RERE: variants seen among roughly 807,000 people sequenced by gnomAD.
RERE encodes the protein arginine-glutamic acid dipeptide repeats protein.
RERE carries 40 observed loss-of-function variants against 146.1 expected under a neutral mutation model. The observed-to-expected ratio is 0.27, with a 90% CI of 0.21 to 0.36. The LOEUF is 0.36. Among genes scored for constraint, RERE ranks in the 10% least tolerant of loss-of-function variants. The pLI, the probability that RERE is intolerant of heterozygous loss-of-function variation, is 1.00. For missense variants in RERE, 1,933 were observed against 2,138.7 expected (o/e 0.90, Z 1.90); for synonymous variants, 1,003 against 866.0 (o/e 1.16, Z -2.78).
intron 12 of RERE, among the ~76,000 whole-genome samples, chr1:8,367,817 C>T (rs1641873567): frequency 6.6e-6 from 1 of 152,228 alleles, no homozygotes; most frequent in Non-Finnish European, 1.5e-5. Flanking sequence ...AACCTCCTAG[C>T]TCTTTTCACT....
intron 2 of RERE, among the ~76,000 whole-genome samples, chr1:8,651,715 C>T (rs1647639938): frequency 6.6e-6 from 1 of 150,822 alleles, no homozygotes; most frequent in African/African-American, 2.4e-5. Flanking sequence ...GAGCAATACC[C>T]TGTCTCAAAA....
chr1:8,453,395 G>A (rs1019033814), intron 11 of RERE, among the ~76,000 whole-genome samples: 9 of 152,218 alleles, frequency 5.9e-5, no homozygotes, highest in African/African-American at 1.9e-4. Flanking sequence ...CAACGTGGGA[G>A]AGATCACCAC....
At chr1:8,689,251 T>G (rs1639156017) in intron 1 of RERE, among the ~76,000 whole-genome samples, 1 of 152,336 alleles carries the variant, frequency 6.6e-6, no homozygotes, top group South Asian at 2.1e-4. Context: ...TTTTGGCCTT[T>G]GGTTTGGTTG....
rs1643536665 is a variant in RERE, at chr1:8,408,966, G to T, written c.1284+13761C>A. On this transcript the variant is annotated intron_variant, in intron 12 of 22. Coordinates refer to ENST00000400908, the MANE Select transcript of RERE (RefSeq NM_001042681.2). ...CCGCAATGATTTGGGGGTAGGATGT[G>T]AGGTAGGAGAATGGTATCAGAAAGG... 1.3e-5 allele frequency among the ~76,000 whole-genome samples: 2 copies of T among 152,176 alleles called. 1 individual carries two copies. The highest frequency in any genetic ancestry group is 4.1e-4 in the South Asian group (2 of 4,824).
intron 4 of RERE, among the ~76,000 whole-genome samples, chr1:8,568,514 T>C (rs1479245468): frequency 1.3e-5 from 2 of 152,224 alleles, no homozygotes; most frequent in Middle Eastern, 3.2e-3. Flanking sequence ...CATTAATTCA[T>C]TGATGCATTC....
At chr1:8,501,617 G>A (rs1570350942) in intron 8 of RERE, among the ~76,000 whole-genome samples, 1 of 135,146 alleles carries the variant, frequency 7.4e-6, no homozygotes, top group African/African-American at 2.8e-5. Flanking sequence ...GAGGGAGGTG[G>A]GGGGTCAGCC....
chr1:8,630,573 G>C (rs1647023605), intron 2 of RERE, among the ~76,000 whole-genome samples: 2 of 152,134 alleles, frequency 1.3e-5, no homozygotes, highest in African/African-American at 4.8e-5. Context: ...CATATTGACT[G>C]TAACACTGGA....
chr1:8,563,977 G>A (rs953913064), intron 4 of RERE, among the ~76,000 whole-genome samples: 10 of 152,160 alleles, frequency 6.6e-5, no homozygotes, highest in African/African-American at 1.2e-4. Flanking sequence ...GGGGAACACC[G>A]TCTCCCAGAG....
chr1:8,455,664 A>T (rs1644445713), intron 11 of RERE, among the ~76,000 whole-genome samples: 1 of 152,180 alleles, frequency 6.6e-6, no homozygotes, highest in African/African-American at 2.4e-5. Context: ...CACTGAAGCA[A>T]TGTGAGGTTT....
At position 8,364,946 on chromosome 1, in the gene RERE, A is replaced by T. The variant is rs576534716; in HGVS notation, c.1448-108T>A. The T allele has an allele frequency of 2.8e-4, 210 of 750,080 alleles. 2 individuals carry two copies. Among genetic ancestry groups the T allele is most frequent in the South Asian group, 7.1e-4 (45 of 62,998 alleles). 46.5% of individuals were successfully genotyped at this position (750,080 alleles called of 1,614,324 possible). The stretch of plus-strand genomic sequence containing the variant: ...GGGGAACACCTGTGACCTCTGGCCT[A>T]CTGCAGGTTCTGGCCACCAGTCAGA... On this transcript the variant is annotated intron_variant, in intron 13 of 22. Coordinates refer to ENST00000400908, the MANE Select transcript of RERE (RefSeq NM_001042681.2). The surrounding 1 kb of genome is among the most constrained non-coding windows in gnomAD (Gnocchi z 5.1).
rs187715810 is a variant in RERE, at chr1:8,576,503, A to G, written c.523-18980T>C. Reference sequence around the variant, plus strand: ...GATTAAATTACAGAATAGCAGGGAAAGATGAACTATTTAATGAGTTTGTAG... The same window carrying G: ...GATTAAATTACAGAATAGCAGGGAAGGATGAACTATTTAATGAGTTTGTAG... On this transcript the variant is annotated intron_variant, in intron 4 of 22. Coordinates refer to ENST00000400908, the MANE Select transcript of RERE (RefSeq NM_001042681.2). 5.3e-5 allele frequency among the ~76,000 whole-genome samples: 8 copies of G among 152,364 alleles called. No homozygotes were observed. The East Asian group carries it at 1.5e-3, about 29-fold the overall frequency.
chr1:8,470,596 C>A (rs80352827), intron 10 of RERE, among the ~76,000 whole-genome samples: 4,269 of 151,874 alleles, frequency 0.028, 173 homozygotes, highest in African/African-American at 0.097. Context: ...AATATTATTG[C>A]GCTATCATCA....
At chr1:8,384,968 A>T (rs1231692991) in intron 12 of RERE, among the ~76,000 whole-genome samples, 1 of 152,120 alleles carries the variant, frequency 6.6e-6, no homozygotes, top group Non-Finnish European at 1.5e-5. Context: ...GCAGCACCTA[A>T]CAAGTCTCTC....
At chr1:8,683,591 T>C (rs1639022619) in intron 1 of RERE, among the ~76,000 whole-genome samples, 1 of 152,060 alleles carries the variant, frequency 6.6e-6, no homozygotes, top group African/African-American at 2.4e-5. Context: ...ACACAGAAAA[T>C]ATTCATTTAT....
intron 4 of RERE, among the ~76,000 whole-genome samples, chr1:8,563,424 G>GA (rs1387996376): frequency 6.6e-6 from 1 of 152,146 alleles, no homozygotes; most frequent in Non-Finnish European, 1.5e-5. Context: ...CGATACAGAG[G>GA]AAAGAGCTTC....
chr1:8,813,033 T>C (rs934271191), intron 1 of RERE, among the ~76,000 whole-genome samples: 3 of 152,012 alleles, frequency 2.0e-5, no homozygotes, highest in South Asian at 2.1e-4. Flanking sequence ...CACACTTAAA[T>C]AGGACAAGGA....
intron 4 of RERE, among the ~76,000 whole-genome samples, chr1:8,602,399 A>AG (rs919551995): frequency 2.0e-5 from 3 of 152,036 alleles, no homozygotes; most frequent in Non-Finnish European, 4.4e-5. Context: ...TCAAAAAAAA[A>AG]AAAAGGAAAA....
chr1:8,503,087 A>AAAATAAATAAAT (rs199506860), intron 8 of RERE, among the ~76,000 whole-genome samples: 39 of 144,654 alleles, frequency 2.7e-4, no homozygotes, highest in East Asian at 1.2e-3. Context: ...TGATCAATTA[A>AAAATAAATAAAT]AAATAAATAA....
chr1:8,455,542 T>C (rs1644444338), intron 11 of RERE, among the ~76,000 whole-genome samples: 1 of 151,666 alleles, frequency 6.6e-6, no homozygotes, highest in Admixed American at 6.6e-5. Flanking sequence ...CTGGAAGGAG[T>C]TGGTTGCTCC....
Sources: allele counts gnomAD v4.1 joint callset (sites outside exome capture counted in the v4.1 genomes callset), GRCh38; gene constraint gnomAD v4.1.1; non-coding constraint Gnocchi (gnomAD v3.1); transcripts MANE v1.5; gene names NCBI Gene and HGNC (gene_info 2026-07-23, HGNC 2026-07-21).